ANO2: variants seen among roughly 807,000 people sequenced by gnomAD.
ANO2 encodes anoctamin 2.
A neutral mutation model predicts 124.2 loss-of-function variants in ANO2; 101 were observed. The observed-to-expected ratio is 0.81, with a 90% confidence interval of 0.69 to 0.96. The LOEUF (loss-of-function observed/expected upper bound fraction) is 0.96. Ranked by LOEUF, ANO2 falls within the 40% of genes least tolerant of loss-of-function variation. The pLI is 0.00. For synonymous variants in ANO2, 486 were observed against 482.5 expected (o/e 1.01, Z -0.09); for missense variants, 1,293 against 1,274.5 (o/e 1.01, Z -0.22).
At chr12:5,699,462 C>T (rs1404206846) in intron 14 of ANO2, among the ~76,000 whole-genome samples, 1 of 152,084 alleles carries the variant, frequency 6.6e-6, no homozygotes, top group Non-Finnish European at 1.5e-5. Flanking sequence ...TGGAAAGGAA[C>T]AACCCATACC....
chr12:5,734,113 A>C (rs995845559), intron 13 of ANO2, among the ~76,000 whole-genome samples: 1 of 152,210 alleles, frequency 6.6e-6, no homozygotes, highest in Non-Finnish European at 1.5e-5. Context: ...TCAGCTAAAA[A>C]AGGATTCCAA....
intron 14 of ANO2, among the ~76,000 whole-genome samples, chr12:5,670,809 G>A (rs1241066070): frequency 3.3e-5 from 5 of 152,028 alleles, no homozygotes; most frequent in African/African-American, 4.8e-5. Flanking sequence ...CAGAGCGCTG[G>A]GATTACCGGT....
chr12:5,812,909 C>G (rs200321669), intron 7 of ANO2, among the ~76,000 whole-genome samples: 4 of 101,704 alleles, frequency 3.9e-5, no homozygotes, highest in Non-Finnish European at 5.4e-5. Context: ...AACAAGCAAG[C>G]AAGAAAAAGA....
At chr12:5,673,971 A>T (rs2192188) in intron 14 of ANO2, among the ~76,000 whole-genome samples, 68,808 of 151,864 alleles carry the variant, frequency 0.45, 17,076 homozygotes, top group Middle Eastern at 0.61. Flanking sequence ...GGACCAACTT[A>T]CCCACTCCTC....
intron 12 of ANO2, among the ~76,000 whole-genome samples, chr12:5,742,414 G>A (rs1252445790): frequency 6.7e-6 from 1 of 148,194 alleles, no homozygotes; most frequent in Non-Finnish European, 1.5e-5. Context: ...GGAAGCTCTG[G>A]CGCAATCTCA....
intron 15 of ANO2, among the ~76,000 whole-genome samples, chr12:5,641,409 CTTTTT>C (rs1004079569): frequency 7.0e-6 from 1 of 142,494 alleles, no homozygotes; most frequent in Admixed American, 7.1e-5. Flanking sequence ...GAAAACTGGG[CTTTTT>C]TTTAAGTGGG....
At chr12:5,832,348 C>G in intron 5 of ANO2, 104 bp downstream of exon 5, 1 of 1,381,362 alleles carries the variant, frequency 7.2e-7, no homozygotes, top group Non-Finnish European at 9.9e-7. Context: ...CTCCCAGGCA[C>G]TGGGGCACCC....
chr12:5,709,758 C>T (rs1949743285), intron 14 of ANO2, among the ~76,000 whole-genome samples: 1 of 152,230 alleles, frequency 6.6e-6, no homozygotes, highest in South Asian at 2.1e-4. Context: ...GTCCATTAGC[C>T]TCACTCCTGC....
chr12:5,578,123 C>T, intron 21 of ANO2, 116 bp from the exon 22 acceptor site: 1 of 1,348,930 alleles, frequency 7.4e-7, no homozygotes, highest in Non-Finnish European at 1.0e-6. Context: ...TGCTGGGCCC[C>T]CCCAGAATGG....
intron 23 of ANO2, among the ~76,000 whole-genome samples, chr12:5,570,932 T>C: frequency 6.6e-6 from 1 of 151,838 alleles, no homozygotes; most frequent in East Asian, 1.9e-4. Context: ...CAGTGGTTGA[T>C]AAGAATCAGG....
chr12:5,700,180 A>G (rs988046451), intron 14 of ANO2, among the ~76,000 whole-genome samples: 9 of 152,248 alleles, frequency 5.9e-5, no homozygotes, highest in Admixed American at 1.3e-4. Flanking sequence ...AATTGACCAC[A>G]TAGTTGGAAG....
chr12:5,842,298 G>A (rs537341878), intron 4 of ANO2, among the ~76,000 whole-genome samples: 5 of 152,270 alleles, frequency 3.3e-5, no homozygotes, highest in South Asian at 2.1e-4. Flanking sequence ...CTGGTGTATG[G>A]TAATACTCAA....
At chr12:5,919,949 A>G (rs905709047) in intron 3 of ANO2, among the ~76,000 whole-genome samples, 2 of 152,040 alleles carry the variant, frequency 1.3e-5, no homozygotes, top group Admixed American at 6.5e-5. Context: ...CGCCCGCCTC[A>G]GCCTCCCAAA....
intron 14 of ANO2, among the ~76,000 whole-genome samples, chr12:5,660,285 G>C (rs1050638560): frequency 4.0e-5 from 6 of 151,504 alleles, no homozygotes; most frequent in South Asian, 4.2e-4. Flanking sequence ...AAATGACTAT[G>C]AACTTTGAAT....
intron 10 of ANO2, among the ~76,000 whole-genome samples, chr12:5,753,504 T>C (rs113603035): frequency 0.065 from 9,837 of 152,268 alleles, 426 homozygotes; most frequent in African/African-American, 0.12. Context: ...GCAGAGTGAA[T>C]TGGGGTCCCA....
rs1939412899 is a variant in ANO2, at chr12:5,891,673, A to G, written c.534+29367T>C. ...CAGTAAAGACTGAGCTACATAATAC[A>G]TCACTAACCAGGTCTCAACCTGGCC... On this transcript the variant is annotated intron_variant, in intron 3 of 24. Transcript: ENST00000682330. Among the ~76,000 whole-genome samples, 6 of 152,332 alleles carry G rather than the reference A, an allele frequency of 3.9e-5. No homozygotes were observed. In the South Asian group the frequency reaches 1.2e-3, roughly 32 times the overall value.
chr12:5,624,895 G>T (rs551484883), intron 16 of ANO2, among the ~76,000 whole-genome samples: 2 of 152,326 alleles, frequency 1.3e-5, no homozygotes, highest in South Asian at 4.1e-4. Context: ...GCTGAGACCT[G>T]CAGGGTAAGG....
At chr12:5,687,676 C>G (rs960113658) in intron 14 of ANO2, among the ~76,000 whole-genome samples, 1 of 152,252 alleles carries the variant, frequency 6.6e-6, no homozygotes, top group South Asian at 2.1e-4. Flanking sequence ...TACCCAACAT[C>G]TGTGCATTTC....
intron 20 of ANO2, among the ~76,000 whole-genome samples, chr12:5,595,616 C>T (rs1943620207): frequency 6.6e-6 from 1 of 152,168 alleles, no homozygotes. Context: ...TTCAGAGTCA[C>T]TCCTTGACTG....
Sources: gnomAD v4.1 joint callset for allele counts (sites outside exome capture counted in the v4.1 genomes callset) on GRCh38, gnomAD v4.1.1 for gene constraint, MANE v1.5 for transcripts, NCBI Gene and HGNC (gene_info 2026-07-23, HGNC 2026-07-21) for gene names.